RBFOX1: variants seen among roughly 807,000 people sequenced by gnomAD.
RBFOX1 encodes RNA binding protein fox-1 homolog 1.
RBFOX1 carries 8 observed loss-of-function variants against 57.7 expected under a neutral mutation model. That is an observed-to-expected ratio of 0.14 (90% CI 0.08 to 0.25). RBFOX1 has a LOEUF of 0.25. RBFOX1 is among the 10% of genes least tolerant of loss of function. The probability of loss-of-function intolerance (pLI) is 1.00; values close to 1 mark genes in which losing one functional copy is unlikely to be tolerated. For missense variants in RBFOX1, 611 were observed against 548.5 expected (o/e 1.11, Z -1.14); for synonymous variants, 326 against 222.4 (o/e 1.47, Z -4.15).
At chr16:5,896,169 C>T (rs1392559934) in intron 4 of RBFOX1, among the ~76,000 whole-genome samples, 1 of 152,104 alleles carries the variant, frequency 6.6e-6, no homozygotes, top group Non-Finnish European at 1.5e-5. Context: ...GGCTGTGGAG[C>T]ATGAATGGTC....
chr16:6,578,207 G>A (rs991418166), intron 2 of RBFOX1, among the ~76,000 whole-genome samples: 3 of 152,118 alleles, frequency 2.0e-5, no homozygotes, highest in Admixed American at 6.5e-5. Flanking sequence ...CATATCTTAC[G>A]TAGTGATAAG....
At chr16:7,293,563 CAG>C (rs915762530) in intron 4 of RBFOX1, among the ~76,000 whole-genome samples, 2 of 152,086 alleles carry the variant, frequency 1.3e-5, no homozygotes, top group African/African-American at 4.8e-5. Context: ...AACCCAGAGA[CAG>C]GGAATATAAG....
intron 4 of RBFOX1, among the ~76,000 whole-genome samples, chr16:7,119,589 CA>C (rs1318579159): frequency 6.6e-6 from 1 of 151,700 alleles, no homozygotes; most frequent in East Asian, 1.9e-4. Context: ...AAAACAACAA[CA>C]AAAAACCACC....
intron 3 of RBFOX1, among the ~76,000 whole-genome samples, chr16:6,927,331 G>A (rs1482385370): frequency 6.9e-6 from 1 of 144,328 alleles, no homozygotes; most frequent in Non-Finnish European, 1.5e-5. Flanking sequence ...GAGAATCGCT[G>A]GAACCCGGGA....
At chr16:6,472,483 A>G (rs1218589890) in intron 2 of RBFOX1, among the ~76,000 whole-genome samples, 1 of 152,094 alleles carries the variant, frequency 6.6e-6, no homozygotes, top group African/African-American at 2.4e-5. Context: ...GTCTTGTTGC[A>G]TCCTGTTGTT....
intron 3 of RBFOX1, among the ~76,000 whole-genome samples, chr16:5,678,293 T>C (rs1436928088): frequency 2.0e-5 from 3 of 152,158 alleles, no homozygotes; most frequent in Non-Finnish European, 4.4e-5. Flanking sequence ...AATTAGACTG[T>C]TCTGTGGTGT....
chr16:7,346,900 C>G (rs376099786), intron 4 of RBFOX1, among the ~76,000 whole-genome samples: 3 of 151,276 alleles, frequency 2.0e-5, no homozygotes, highest in African/African-American at 7.3e-5. Context: ...TGTCTAGCTT[C>G]AAAAAAAACG....
At chr16:5,940,393 A>G (rs144899552) in intron 4 of RBFOX1, among the ~76,000 whole-genome samples, 14 of 152,110 alleles carry the variant, frequency 9.2e-5, no homozygotes, top group East Asian at 3.9e-4. Context: ...TGATCCTCCT[A>G]TTAGCCCTGT....
intron 2 of RBFOX1, among the ~76,000 whole-genome samples, chr16:6,537,231 T>G (rs1341640290): frequency 6.6e-6 from 1 of 152,188 alleles, no homozygotes; most frequent in Non-Finnish European, 1.5e-5. Flanking sequence ...AGCTTCCAGG[T>G]GTTGTTCCTG....
intron 2 of RBFOX1, among the ~76,000 whole-genome samples, chr16:5,574,572 G>A (rs867170997): frequency 6.6e-6 from 1 of 151,966 alleles, no homozygotes; most frequent in African/African-American, 2.4e-5. Context: ...CTGCCACCAC[G>A]CCCAGCAATT....
At chr16:5,294,693 C>T (rs897510819) in intron 1 of RBFOX1, among the ~76,000 whole-genome samples, 3 of 152,046 alleles carry the variant, frequency 2.0e-5, no homozygotes, top group African/African-American at 4.8e-5. Flanking sequence ...CACATTTGGA[C>T]CCCTTTGTGT....
At chr16:6,373,994 C>G (rs1450020265) in intron 2 of RBFOX1, among the ~76,000 whole-genome samples, 1 of 152,162 alleles carries the variant, frequency 6.6e-6, no homozygotes, top group Non-Finnish European at 1.5e-5. Context: ...TTTGCATTCT[C>G]CATAGTGCTC....
At chr16:5,250,981 T>A (rs540307904) in intron 1 of RBFOX1, among the ~76,000 whole-genome samples, 19 of 152,326 alleles carry the variant, frequency 1.2e-4, no homozygotes, top group African/African-American at 4.3e-4. Flanking sequence ...AGGGCTCACA[T>A]GGTACTGTCC....
intron 1 of RBFOX1, chr16:6,037,904 C>T (rs2095387513): frequency 6.6e-6 from 1 of 151,948 alleles, no homozygotes. Context: ...CTGTAGAATG[C>T]ATTTCAATGT....
chr16:5,797,625 GA>G (rs1437446097), intron 3 of RBFOX1, among the ~76,000 whole-genome samples: 1 of 152,176 alleles, frequency 6.6e-6, no homozygotes, highest in Admixed American at 6.5e-5. Flanking sequence ...TTATTTGCTT[GA>G]AATATTTGAA....
intron 1 of RBFOX1, among the ~76,000 whole-genome samples, chr16:5,269,825 A>C (rs899138145): frequency 2.6e-5 from 4 of 152,232 alleles, no homozygotes; most frequent in Non-Finnish European, 5.9e-5. Context: ...AAAACAGCCC[A>C]AGTTGCAATT....
intron 4 of RBFOX1, among the ~76,000 whole-genome samples, chr16:7,482,453 CCTT>C (rs2064212049): frequency 6.8e-6 from 1 of 146,746 alleles, no homozygotes; most frequent in Admixed American, 6.8e-5. Context: ...TTCAGCCCCT[CCTT>C]CCATTTCATC....
intron 1 of RBFOX1, among the ~76,000 whole-genome samples, chr16:5,417,449 T>C (rs1336159491): frequency 6.6e-6 from 1 of 152,206 alleles, no homozygotes; most frequent in Non-Finnish European, 1.5e-5. Context: ...GTTAAGATTT[T>C]TGTGGTGAAA....
At chr16:7,345,739 A>G (rs1299324598) in intron 4 of RBFOX1, among the ~76,000 whole-genome samples, 1 of 152,084 alleles carries the variant, frequency 6.6e-6, no homozygotes, top group African/African-American at 2.4e-5. Context: ...AGCATATGGG[A>G]TTCTTATCTG....
Sources: allele counts gnomAD v4.1 joint callset (sites outside exome capture counted in the v4.1 genomes callset), GRCh38; gene constraint gnomAD v4.1.1; transcripts MANE v1.5; gene names NCBI Gene and HGNC (gene_info 2026-07-23, HGNC 2026-07-21).